Variants in CTNNA2 observed in about 807,000 individuals in gnomAD.
CTNNA2 encodes the protein catenin alpha-2.
CTNNA2 carries 42 observed loss-of-function variants against 101.0 expected under a neutral mutation model. The observed-to-expected ratio is 0.42, with a 90% confidence interval of 0.32 to 0.54. CTNNA2 has a LOEUF of 0.54. Ranked by LOEUF, CTNNA2 falls within the 20% of genes least tolerant of loss-of-function variation. The probability of loss-of-function intolerance (pLI) is 0.14; values close to 1 mark genes in which losing one functional copy is unlikely to be tolerated. For missense variants in CTNNA2, 871 were observed against 1,223.1 expected (o/e 0.71, Z 4.29); for synonymous variants, 450 against 456.4 (o/e 0.99, Z 0.18).
chr2:79,572,772 G>T (rs1164180368), intron 1 of CTNNA2, among the ~76,000 whole-genome samples: 1 of 152,038 alleles, frequency 6.6e-6, no homozygotes, highest in Non-Finnish European at 1.5e-5. Context: ...AAATTATAAG[G>T]CCAGTGTATA....
intron 7 of CTNNA2, among the ~76,000 whole-genome samples, chr2:80,253,601 C>T (rs914617216): frequency 6.6e-6 from 1 of 152,154 alleles, no homozygotes; most frequent in African/African-American, 2.4e-5. Flanking sequence ...CTTCACCTCT[C>T]ATGCTCCCCA....
At chr2:80,231,542 A>G (rs1709210959) in intron 7 of CTNNA2, among the ~76,000 whole-genome samples, 1 of 152,212 alleles carries the variant, frequency 6.6e-6, no homozygotes, top group African/African-American at 2.4e-5. Context: ...AAACTTGAGA[A>G]ACTATTTTAG....
chr2:79,751,792 G>T (rs145159882), intron 3 of CTNNA2, among the ~76,000 whole-genome samples: 1 of 151,930 alleles, frequency 6.6e-6, no homozygotes, highest in Non-Finnish European at 1.5e-5. Context: ...ATGAAAACCT[G>T]ACTAAATTAG....
intron 3 of CTNNA2, among the ~76,000 whole-genome samples, chr2:79,765,124 ATGTGCACAATGTTTGGTTTGGTT>A (rs374652820): frequency 0.015 from 2,345 of 152,318 alleles, 61 homozygotes; most frequent in African/African-American, 0.053. Context: ...TTTCAAAACA[ATGTGCACAATGTTTGGTTTGGTT>A]TGTGCACAAT....
At chr2:79,845,034 T>C (rs1309372158) in intron 3 of CTNNA2, among the ~76,000 whole-genome samples, 2 of 143,382 alleles carry the variant, frequency 1.4e-5, no homozygotes, top group Admixed American at 7.1e-5. Context: ...ATACATTGTG[T>C]ATATATATTT....
intron 7 of CTNNA2, among the ~76,000 whole-genome samples, chr2:80,193,177 G>A (rs1289075052): frequency 6.6e-6 from 1 of 152,048 alleles, no homozygotes; most frequent in Non-Finnish European, 1.5e-5. Flanking sequence ...TAGTTCATTG[G>A]TAACTATCAA....
chr2:79,941,690 C>A (rs1374101006), intron 7 of CTNNA2, among the ~76,000 whole-genome samples: 3 of 152,138 alleles, frequency 2.0e-5, no homozygotes, highest in Admixed American at 6.5e-5. Flanking sequence ...AAGATCTCGG[C>A]TCACTGCAAC....
At chr2:79,588,845 A>G (rs1676664090) in intron 1 of CTNNA2, among the ~76,000 whole-genome samples, 1 of 152,188 alleles carries the variant, frequency 6.6e-6, no homozygotes, top group African/African-American at 2.4e-5. Flanking sequence ...AGCACCGTAT[A>G]GAAAGTTCAC....
intron 9 of CTNNA2, among the ~76,000 whole-genome samples, chr2:80,439,278 C>T (rs2149439019): frequency 6.6e-6 from 1 of 152,170 alleles, no homozygotes; most frequent in Non-Finnish European, 1.5e-5. Flanking sequence ...TTCTCACTTC[C>T]CCTGCTGCAT....
At chr2:79,823,233 A>G (rs1262150541) in intron 3 of CTNNA2, among the ~76,000 whole-genome samples, 2 of 152,164 alleles carry the variant, frequency 1.3e-5, no homozygotes, top group Non-Finnish European at 2.9e-5. Context: ...GCCTTTACTT[A>G]TTATTTCATT....
intron 7 of CTNNA2, among the ~76,000 whole-genome samples, chr2:80,202,234 A>G (rs1338337794): frequency 6.6e-6 from 1 of 152,150 alleles, no homozygotes; most frequent in Non-Finnish European, 1.5e-5. Flanking sequence ...GAATTAATTA[A>G]TCACCCAGAC....
At chr2:80,049,055 G>A (rs1696706144) in intron 7 of CTNNA2, among the ~76,000 whole-genome samples, 1 of 152,164 alleles carries the variant, frequency 6.6e-6, no homozygotes, top group South Asian at 2.1e-4. Context: ...CAGGGAAGTA[G>A]CAAGATCTAA....
chr2:80,202,155 C>T (rs928910016), intron 7 of CTNNA2, among the ~76,000 whole-genome samples: 4 of 152,246 alleles, frequency 2.6e-5, no homozygotes, highest in South Asian at 2.1e-4. Context: ...TCCCTCTTTC[C>T]CTGCTTGATC....
chr2:80,011,011 A>G (rs1384330731), intron 7 of CTNNA2, among the ~76,000 whole-genome samples: 2 of 152,114 alleles, frequency 1.3e-5, no homozygotes, highest in African/African-American at 4.8e-5. Context: ...AATCCTTGCT[A>G]TGAATTAGAT....
At chr2:79,876,648 A>G (rs1683046055) in intron 6 of CTNNA2, among the ~76,000 whole-genome samples, 1 of 152,172 alleles carries the variant, frequency 6.6e-6, no homozygotes, top group South Asian at 2.1e-4. Context: ...CTGCTTCCCC[A>G]TGCTGCCTTT....
intron 7 of CTNNA2, among the ~76,000 whole-genome samples, chr2:79,972,171 C>T (rs1690532575): frequency 6.6e-6 from 1 of 152,148 alleles, no homozygotes; most frequent in Admixed American, 6.5e-5. Context: ...AAGAGTCTGC[C>T]ACACAAAAGG....
At chr2:80,120,099 A>C (rs1701748583) in intron 7 of CTNNA2, among the ~76,000 whole-genome samples, 1 of 152,160 alleles carries the variant, frequency 6.6e-6, no homozygotes, top group Non-Finnish European at 1.5e-5. Flanking sequence ...TCTTTCTTGA[A>C]CTAGATCGAA....
At chr2:79,379,695 C>CACAAAT (rs1443083820) in intron 4 of CTNNA2, among the ~76,000 whole-genome samples, 3 of 152,114 alleles carry the variant, frequency 2.0e-5, no homozygotes, top group African/African-American at 7.2e-5. Flanking sequence ...GAATGAGTCA[C>CACAAAT]ACAAATACAA....
At chr2:79,648,208 T>A (rs1680961084) in intron 1 of CTNNA2, among the ~76,000 whole-genome samples, 1 of 152,220 alleles carries the variant, frequency 6.6e-6, no homozygotes, top group South Asian at 2.1e-4. Flanking sequence ...AGTCACCTTA[T>A]TGTGTGTGCT....
Sources: gnomAD v4.1 joint callset for allele counts (sites outside exome capture counted in the v4.1 genomes callset) on GRCh38, gnomAD v4.1.1 for gene constraint, MANE v1.5 for transcripts, NCBI Gene and HGNC (gene_info 2026-07-23, HGNC 2026-07-21) for gene names.